The following COL23A1 variants were observed in gnomAD, a reference collection of about 807,000 sequenced individuals.
COL23A1 encodes collagen type XXIII alpha 1 chain, also known as collagen alpha-1(XXIII) chain.
In COL23A1, 97 loss-of-function variants were observed where a neutral mutation model predicts 99.3. The observed-to-expected ratio is 0.98, with a 90% confidence interval of 0.83 to 1.16. The LOEUF is 1.16. Among genes scored for constraint, COL23A1 ranks in the 50% most tolerant of loss-of-function variants. The pLI, the probability that COL23A1 is intolerant of heterozygous loss-of-function variation, is 0.00. For missense variants in COL23A1, 762 were observed against 757.4 expected, an observed-to-expected ratio of 1.01 and a Z score of -0.07; for synonymous variants, 320 against 308.2, an observed-to-expected ratio of 1.04 and a Z score of -0.40.
intron 2 of COL23A1, among the ~76,000 whole-genome samples, chr5:178,399,033 C>G (rs1184415271): frequency 6.6e-6 from 1 of 152,260 alleles, no homozygotes; most frequent in African/African-American, 2.4e-5. Flanking sequence ...GGTCCCTGTG[C>G]ACGGGCAGAG....
chr5:178,508,911 C>G (rs542013469), intron 2 of COL23A1, among the ~76,000 whole-genome samples: 1 of 152,106 alleles, frequency 6.6e-6, no homozygotes. Context: ...TATATAATGT[C>G]CAGGGCTTTC....
rs1380644149 is a variant in COL23A1 at position 178,255,133 on chromosome 5, C to T, written c.883-107G>A. On this transcript the variant is annotated intron_variant, in intron 15 of 28. Coordinates refer to ENST00000390654, the MANE Select transcript of COL23A1 (RefSeq NM_173465.4). The surrounding 1 kb of genome is among the most constrained non-coding windows in gnomAD (Gnocchi z 4.2). The stretch of plus-strand genomic sequence containing the variant: ...TCCAGAGAGAAAGCAATGGAAGAGC[C>T]TCGTCACCCAGGCTGCACGCATGCC... The T allele has an allele frequency of 1.1e-6, 1 of 941,332 alleles. No homozygotes were observed. Among genetic ancestry groups the T allele is most frequent in the Non-Finnish European group, 1.7e-6 (1 of 588,588 alleles). The allele number at this position is 941,332 out of a possible 1,614,324, so 58.3% of individuals were successfully genotyped here.
In COL23A1 at chr5:178,247,826, C is replaced by T; in HGVS notation, c.1218G>A (p.Gln406=). The T allele has an allele frequency of 1.2e-6, 2 of 1,612,554 alleles. No individual in the cohort carries two copies. The highest frequency in any genetic ancestry group is 1.7e-6 in the Non-Finnish European group (2 of 1,179,258). The change falls in exon 21 of 29, where the codon CAG becomes CAA. Residue 406 remains glutamine (Q), a synonymous_variant. Coordinates refer to ENST00000390654, the MANE Select transcript of COL23A1 (RefSeq NM_173465.4). ...CAGGGGGCCCTGGCTCCACTATGAGCTGAGCCTAGGGAGGGTGAGAGACAG... is the reference window on the plus strand; with the variant it reads ...CAGGGGGCCCTGGCTCCACTATGAGTTGAGCCTAGGGAGGGTGAGAGACAG... ...ASDSLQESLA[Q]LIVEPGPPGP... is the part of the protein sequence containing the mutation.
intron 19 of COL23A1, among the ~76,000 whole-genome samples, chr5:178,248,868 A>T (rs572226747): frequency 2.0e-4 from 31 of 152,310 alleles, no homozygotes; most frequent in African/African-American, 7.5e-4. Context: ...ACGCGCTCCC[A>T]TGGCCACAGC....
intron 2 of COL23A1, among the ~76,000 whole-genome samples, chr5:178,337,804 G>C (rs890805398): frequency 2.0e-5 from 3 of 152,002 alleles, no homozygotes; most frequent in African/African-American, 7.3e-5. Context: ...AAACAAACAG[G>C]CTCATGGGGT....
At chr5:178,283,041 T>C (rs2127578519) in intron 5 of COL23A1, among the ~76,000 whole-genome samples, 1 of 152,218 alleles carries the variant, frequency 6.6e-6, no homozygotes, top group South Asian at 2.1e-4. Flanking sequence ...TGGCTAGTTT[T>C]TGTATTTTTA....
At chr5:178,585,413 A>ATG (rs1763890991) in intron 1 of COL23A1, among the ~76,000 whole-genome samples, 1 of 151,926 alleles carries the variant, frequency 6.6e-6, no homozygotes, top group Non-Finnish European at 1.5e-5. Context: ...TGTGTGGGTA[A>ATG]CACTCCACAG....
chr5:178,381,142 T>C (rs1763360379), intron 2 of COL23A1, among the ~76,000 whole-genome samples: 1 of 152,168 alleles, frequency 6.6e-6, no homozygotes, highest in African/African-American at 2.4e-5. Context: ...TCCCTGCCCC[T>C]CACTCATCCA....
At chr5:178,293,943 C>A (rs1365296169) in intron 3 of COL23A1, among the ~76,000 whole-genome samples, 2 of 152,006 alleles carry the variant, frequency 1.3e-5, no homozygotes, top group African/African-American at 4.8e-5. Flanking sequence ...GTGTAAGGGG[C>A]TTCTACGTGG....
At chr5:178,508,924 T>A (rs1759035412) in intron 2 of COL23A1, among the ~76,000 whole-genome samples, 1 of 152,166 alleles carries the variant, frequency 6.6e-6, no homozygotes, top group African/African-American at 2.4e-5. Context: ...GGGCTTTCAG[T>A]TGCACTTAGG....
At chr5:178,562,822 C>G (rs71611446) in intron 1 of COL23A1, 12,979 of 150,708 alleles carry the variant, frequency 0.086, 674 homozygotes, top group Middle Eastern at 0.18. Context: ...GATTGGTCCA[C>G]TTTACAGAAT....
At chr5:178,272,172 G>GGCAGCTGTCCC (rs1325699471) in intron 5 of COL23A1, among the ~76,000 whole-genome samples, 1 of 152,210 alleles carries the variant, frequency 6.6e-6, no homozygotes, top group African/African-American at 2.4e-5. Flanking sequence ...GCTGGTAAGA[G>GGCAGCTGTCCC]GCAGCTCGTC....
At chr5:178,410,788 A>C (rs992835942) in intron 2 of COL23A1, among the ~76,000 whole-genome samples, 3 of 152,230 alleles carry the variant, frequency 2.0e-5, no homozygotes, top group Non-Finnish European at 2.9e-5. Flanking sequence ...CAATTTCATC[A>C]AAACTTTTGT....
chr5:178,304,191 C>T (rs1358892440), intron 3 of COL23A1, among the ~76,000 whole-genome samples: 2 of 152,108 alleles, frequency 1.3e-5, no homozygotes, highest in Admixed American at 6.5e-5. Flanking sequence ...GAATCCCAGC[C>T]GGGCACTGCC....
intron 2 of COL23A1, among the ~76,000 whole-genome samples, chr5:178,506,412 C>T (rs1050566824): frequency 1.3e-5 from 2 of 152,192 alleles, no homozygotes; most frequent in Non-Finnish European, 2.9e-5. Context: ...CATCTGCAGG[C>T]TGGCTTCAGG....
chr5:178,517,291 A>G (rs1759574754), intron 2 of COL23A1, among the ~76,000 whole-genome samples: 1 of 152,176 alleles, frequency 6.6e-6, no homozygotes, highest in South Asian at 2.1e-4. Flanking sequence ...CTGTATCCCT[A>G]ACTGGCGTGT....
intron 3 of COL23A1, among the ~76,000 whole-genome samples, chr5:178,305,753 C>T (rs559600683): frequency 7.9e-5 from 12 of 151,644 alleles, no homozygotes; most frequent in Non-Finnish European, 1.3e-4. Flanking sequence ...GGGGACATGG[C>T]GTGGGGGGTG....
Position 178,384,325 on chromosome 5 carries a change from G to A in COL23A1, c.362-77406C>T, listed in dbSNP as rs1033427673. Among the ~76,000 whole-genome samples, 4 of 152,260 alleles carry A rather than the reference G, an allele frequency of 2.6e-5. No homozygotes were observed. Among genetic ancestry groups the A allele is most frequent in the African/African-American group, 7.2e-5 (3 of 41,474 alleles). ...AGGCCCGGCCTGGCCACTGCCTGGC[G>A]TTTTCTCATAAACCAGCTTTCACGA... On this transcript the variant is annotated intron_variant, in intron 2 of 28. Transcript: ENST00000390654. This position sits in a 1 kb window ranked among gnomAD's most constrained non-coding sequence, Gnocchi z 5.5.
chr5:178,399,141 A>G (rs1438178495), intron 2 of COL23A1, among the ~76,000 whole-genome samples: 1 of 152,210 alleles, frequency 6.6e-6, no homozygotes, highest in Non-Finnish European at 1.5e-5. Flanking sequence ...TCCTGATCAG[A>G]TGGCTCCTCA....
Sources: gnomAD v4.1 joint callset for allele counts (sites outside exome capture counted in the v4.1 genomes callset) on GRCh38, gnomAD v4.1.1 for gene constraint, Gnocchi (gnomAD v3.1) non-coding constraint, MANE v1.5 for transcripts, NCBI Gene and HGNC (gene_info 2026-07-23, HGNC 2026-07-21) for gene names.